Variants in THSD7A observed in about 807,000 individuals in gnomAD.
THSD7A encodes the protein thrombospondin type-1 domain-containing protein 7A.
Under a neutral mutation model 231.3 loss-of-function variants are expected in THSD7A, and 96 were observed. The observed-to-expected ratio is 0.41, with a 90% CI of 0.35 to 0.49. The LOEUF is 0.49. Among genes scored for constraint, THSD7A ranks in the 20% least tolerant of loss-of-function variants. The pLI, the probability that THSD7A is intolerant of heterozygous loss-of-function variation, is 0.05. For missense variants in THSD7A, 2,290 were observed against 2,070.2 expected, an observed-to-expected ratio of 1.11 and a Z score of -2.06; for synonymous variants, 940 against 743.3, an observed-to-expected ratio of 1.26 and a Z score of -4.30.
chr7:11,766,346 T>C (rs1188141395), intron 1 of THSD7A, among the ~76,000 whole-genome samples: 3 of 152,168 alleles, frequency 2.0e-5, no homozygotes, highest in African/African-American at 7.2e-5. Context: ...AGCAATTTTA[T>C]CAATAATACA....
intron 1 of THSD7A, among the ~76,000 whole-genome samples, chr7:11,797,483 C>G (rs1294126014): frequency 1.5e-5 from 2 of 134,090 alleles, no homozygotes; most frequent in African/African-American, 5.6e-5. Flanking sequence ...GTGGCACAAT[C>G]TTGGCTCACT....
intron 11 of THSD7A, among the ~76,000 whole-genome samples, chr7:11,447,680 T>C (rs1453098567): frequency 3.9e-5 from 6 of 152,062 alleles, no homozygotes; most frequent in South Asian, 2.1e-4. Context: ...CATTTACCAG[T>C]TTTAATTATA....
chr7:11,710,980 G>A (rs1780940348), intron 1 of THSD7A, among the ~76,000 whole-genome samples: 3 of 150,756 alleles, frequency 2.0e-5, no homozygotes, highest in Non-Finnish European at 4.5e-5. Context: ...ATGATTTTAA[G>A]GTGCATCTAT....
At chr7:11,412,155 T>G (rs1445261961) in intron 18 of THSD7A, among the ~76,000 whole-genome samples, 1 of 152,194 alleles carries the variant, frequency 6.6e-6, no homozygotes. Context: ...ATAATAAATC[T>G]GTTTTTCTGA....
At chr7:11,579,155 T>A (rs1177700198) in intron 4 of THSD7A, among the ~76,000 whole-genome samples, 1 of 152,228 alleles carries the variant, frequency 6.6e-6, no homozygotes, top group East Asian at 1.9e-4. Context: ...AGTTTTCTTT[T>A]CCCATTGCTA....
intron 1 of THSD7A, among the ~76,000 whole-genome samples, chr7:11,677,969 A>G (rs1225687617): frequency 1.3e-5 from 2 of 152,226 alleles, no homozygotes; most frequent in African/African-American, 4.8e-5. Context: ...AGCAAATGCA[A>G]AAGAATGGAA....
chr7:11,690,612 C>T (rs1445940990), intron 1 of THSD7A, among the ~76,000 whole-genome samples: 1 of 151,708 alleles, frequency 6.6e-6, no homozygotes, highest in Non-Finnish European at 1.5e-5. Context: ...AGGACTCTTG[C>T]TCCAGGGAAG....
Position 11,636,021 on chromosome 7 carries a change from A to G in THSD7A, c.1022+109T>C, listed in dbSNP as rs1234582133. 2 of 1,037,116 alleles carry G rather than the reference A, an allele frequency of 1.9e-6. No homozygotes were observed. Among genetic ancestry groups the G allele is most frequent in the African/African-American group, 1.6e-5 (1 of 62,260 alleles). 64.2% of individuals were successfully genotyped at this position (1,037,116 alleles called of 1,614,324 possible). On this transcript the variant is annotated intron_variant, in intron 2 of 27. Coordinates refer to ENST00000423059, the MANE Select transcript of THSD7A (RefSeq NM_015204.3). The surrounding 1 kb of genome is among the most constrained non-coding windows in gnomAD (Gnocchi z 10.0). Reference sequence around the variant, plus strand: ...CTTAAATTTGGGGGTAGCTCATCCTAGGTTGTGCCCCTACGTAATCCAGAA... The same window carrying G: ...CTTAAATTTGGGGGTAGCTCATCCTGGGTTGTGCCCCTACGTAATCCAGAA...
At chr7:11,706,630 C>CTT (rs66964252) in intron 1 of THSD7A, among the ~76,000 whole-genome samples, 806 of 66,364 alleles carry the variant, frequency 0.012, 48 homozygotes, top group African/African-American at 0.044. Context: ...TAACAAGGTG[C>CTT]TTTTTTTTTT....
intron 1 of THSD7A, among the ~76,000 whole-genome samples, chr7:11,640,587 G>A (rs192885748): frequency 6.6e-6 from 1 of 152,014 alleles, no homozygotes; most frequent in African/African-American, 2.4e-5. Flanking sequence ...AAATATGCAC[G>A]ATGTTTTTCT....
In THSD7A at chr7:11,461,965, C is replaced by T. The variant is rs555359878; in HGVS notation, c.2501+46G>A. ...ATCCTAGGAAAGGATGTGGAGTTGA[C>T]GTATTTGTTCAGCTCCTCCCTCACG... On this transcript the variant is annotated intron_variant, in intron 10 of 27. Transcript: ENST00000423059. The T allele has an allele frequency of 2.6e-5, 41 of 1,591,978 alleles. No homozygotes were observed. The African/African-American group carries it at 3.2e-4, about 12-fold the overall frequency.
chr7:11,596,792 C>T (rs1780376946), intron 2 of THSD7A, among the ~76,000 whole-genome samples: 1 of 152,218 alleles, frequency 6.6e-6, no homozygotes, highest in Admixed American at 6.5e-5. Flanking sequence ...ATTGCAGCTG[C>T]TATACCAGAT....
intron 2 of THSD7A, among the ~76,000 whole-genome samples, chr7:11,605,578 G>GA (rs1157993632): frequency 1.3e-5 from 2 of 152,074 alleles, no homozygotes; most frequent in African/African-American, 4.8e-5. Context: ...AATAAAGTTT[G>GA]AAAAACACTC....
At chr7:11,395,070 C>T (rs1783129124) in intron 23 of THSD7A, among the ~76,000 whole-genome samples, 2 of 151,824 alleles carry the variant, frequency 1.3e-5, no homozygotes. Context: ...ATTCAGGTGA[C>T]CCATCTCACG....
intron 1 of THSD7A, among the ~76,000 whole-genome samples, chr7:11,775,515 A>C (rs1783373479): frequency 2.6e-5 from 4 of 152,212 alleles, no homozygotes; most frequent in Admixed American, 2.6e-4. Flanking sequence ...ATTCAGCCTT[A>C]AAAGTAAGGA....
chr7:11,467,733 T>C (rs1251307860), intron 9 of THSD7A, among the ~76,000 whole-genome samples: 2 of 146,368 alleles, frequency 1.4e-5, no homozygotes, highest in African/African-American at 4.9e-5. Flanking sequence ...CAAGTATGGT[T>C]TTTTACTCCT....
chr7:11,624,092 G>A (rs903643615), intron 2 of THSD7A, among the ~76,000 whole-genome samples: 2 of 152,078 alleles, frequency 1.3e-5, no homozygotes, highest in Non-Finnish European at 2.9e-5. Context: ...GCAGACATCA[G>A]AAGATACAAT....
At chr7:11,749,345 A>T (rs181763775) in intron 1 of THSD7A, among the ~76,000 whole-genome samples, 1 of 151,820 alleles carries the variant, frequency 6.6e-6, no homozygotes, top group African/African-American at 2.4e-5. Flanking sequence ...CACCCCCCAC[A>T]TATCTCCCCC....
chr7:11,524,288 A>G (rs1375632990), intron 6 of THSD7A, among the ~76,000 whole-genome samples: 1 of 151,994 alleles, frequency 6.6e-6, no homozygotes, highest in Non-Finnish European at 1.5e-5. Flanking sequence ...ATGTATGACA[A>G]TCTTGGCGCA....
Sources: allele counts gnomAD v4.1 joint callset (sites outside exome capture counted in the v4.1 genomes callset), GRCh38; gene constraint gnomAD v4.1.1; non-coding constraint Gnocchi (gnomAD v3.1); transcripts MANE v1.5; gene names NCBI Gene and HGNC (gene_info 2026-07-23, HGNC 2026-07-21).